ATG2A: variants seen among roughly 807,000 people sequenced by gnomAD.
ATG2A encodes the protein autophagy related 2A.
Under a neutral mutation model 214.2 loss-of-function variants are expected in ATG2A, and 103 were observed. That is an observed-to-expected ratio of 0.48 (90% CI 0.41 to 0.57). ATG2A has a LOEUF of 0.57. Ranked by LOEUF, ATG2A falls within the 20% of genes least tolerant of loss-of-function variation. The probability of loss-of-function intolerance (pLI) is 0.00; values close to 1 mark genes in which losing one functional copy is unlikely to be tolerated. For synonymous variants in ATG2A, 1,160 were observed against 1,142.1 expected (o/e 1.02, Z -0.32); for missense variants, 2,312 against 2,613.2 (o/e 0.88, Z 2.51).
At position 64,896,843 on chromosome 11, in the gene ATG2A, C is replaced by A; in HGVS notation, c.5177G>T (p.Gly1726Val). Residue 1726 changes from glycine (G) to valine (V), a missense_variant, in exon 38 of 41, where the codon GGC (glycine) becomes GTC (valine). Transcript: ENST00000377264. ...HGLLGVDKVL[G>V]YALNEWLQDI... Reference sequence around the variant, plus strand: ...CTGCAGCCACTCGTTGAGGGCATAGCCCAGCACCTTGTCCACACCCAGGAG... The same window carrying A: ...CTGCAGCCACTCGTTGAGGGCATAGACCAGCACCTTGTCCACACCCAGGAG... 6.2e-7 allele frequency: 1 copy of A among 1,614,172 alleles called. No homozygotes were observed. Among genetic ancestry groups the A allele is most frequent in the Non-Finnish European group, 8.5e-7 (1 of 1,180,016 alleles).
In ATG2A at chr11:64,911,136, G is replaced by A. The variant is rs750674523; in HGVS notation, c.1368C>T (p.Phe456=). The A allele has an allele frequency of 1.9e-6, 3 of 1,614,030 alleles. No homozygotes were observed. The African/African-American group carries it at 4.0e-5, about 22-fold the overall frequency. The part of the protein sequence containing the change: ...SGPPDLATHF[F]TEFDATKDGP... ...CATCCTTGGTGGCATCAAACTCGGT[G>A]AAAAAGTGCGTGGCGAGGTCAGGTG... The change falls in exon 10 of 41, where the codon TTC becomes TTT. Residue 456 remains phenylalanine (F), a synonymous_variant. Coordinates refer to ENST00000377264, the MANE Select transcript of ATG2A (RefSeq NM_015104.3).
chr11:64,913,807 C>A lies in ATG2A; in HGVS notation c.590+14G>T. On this transcript the variant is annotated intron_variant, in intron 4 of 40. Coordinates refer to ENST00000377264, the MANE Select transcript of ATG2A (RefSeq NM_015104.3). This position sits in a 1 kb window ranked among gnomAD's most constrained non-coding sequence, Gnocchi z 4.3. ...ATCTTCACACCAGTCCACCCCAGAT[C>A]GGCCTGCCCTTACCTCTGCACACGG... The A allele has an allele frequency of 6.2e-7, 1 of 1,610,694 alleles. No individual in the cohort carries two copies. The highest frequency in any genetic ancestry group is 8.5e-7 in the Non-Finnish European group (1 of 1,179,094).
In ATG2A at chr11:64,898,543, T is replaced by G; in HGVS notation, c.4671+93A>C. 4 of 1,459,244 alleles carry G rather than the reference T, an allele frequency of 2.7e-6. No individual in the cohort carries two copies. In the South Asian group the frequency reaches 3.6e-5, roughly 13 times the overall value. 90.4% of individuals were successfully genotyped at this position (1,459,244 alleles called of 1,614,324 possible). On this transcript the variant is annotated intron_variant, in intron 32 of 40. Transcript: ENST00000377264. This position sits in a 1 kb window ranked among gnomAD's most constrained non-coding sequence, Gnocchi z 4.5. ...AACAACCTGGGTGTTTGTGTGGGAA[T>G]GCGTGTATGTGTGTGAATCCATGCA...
At chr11:64,905,139 C>T (rs1944496555) in intron 24 of ATG2A, among the ~76,000 whole-genome samples, 2 of 152,172 alleles carry the variant, frequency 1.3e-5, no homozygotes, top group Admixed American at 6.5e-5. Flanking sequence ...CAGGTGTGAG[C>T]CACCGCACCC....
chr11:64,913,049 G>T lies in ATG2A; in HGVS notation c.814C>A (p.Pro272Thr). The change falls in exon 6 of 41, where the codon CCT becomes ACT. Residue 272 changes from proline (P) to threonine (T), a missense_variant. Physicochemically the swap from Pro to Thr is conservative, Grantham distance 38 (BLOSUM62 -1). Transcript: ENST00000377264. This position sits in a 1 kb window ranked among gnomAD's most constrained non-coding sequence, Gnocchi z 4.3. The part of the protein sequence containing the change: ...MVKLKQNEAF[P>T]GPKLEVAGQL... ...GCCTGGGGACCCACCTTGGGGCCAG[G>T]GAAGGCCTCATTTTGCTTCAACTTC... 6.4e-7 allele frequency: 1 copy of T among 1,559,364 alleles called. No homozygotes were observed. Among genetic ancestry groups the T allele is most frequent in the East Asian group, 2.3e-5 (1 of 42,964 alleles).
At chr11:64,915,654 T>C (rs1944951846) in intron 1 of ATG2A, among the ~76,000 whole-genome samples, 2 of 150,370 alleles carry the variant, frequency 1.3e-5, no homozygotes, top group Non-Finnish European at 3.0e-5. Flanking sequence ...GGAACAGGAG[T>C]AGGGGCGTTT....
Position 64,896,622 on chromosome 11 carries a change from G to A in ATG2A, c.5273-6C>T. On this transcript the variant is annotated splice_polypyrimidine_tract_variant and splice_region_variant and intron_variant, in intron 38 of 40. Coordinates refer to ENST00000377264, the MANE Select transcript of ATG2A (RefSeq NM_015104.3). ...CAGGTCCCGGAACCCTTGGACTAGG[G>A]GGAAGGAGCGCTCAGAGACACCCGA... 2 of 1,612,558 alleles carry A rather than the reference G, an allele frequency of 1.2e-6. No individual in the cohort carries two copies. The highest frequency in any genetic ancestry group is 1.1e-5 in the South Asian group (1 of 91,064).
At chr11:64,901,927 G>A (rs1220258391) in intron 29 of ATG2A, 35 bp downstream of exon 29, 3 of 1,604,156 alleles carry the variant, frequency 1.9e-6, no homozygotes, top group African/African-American at 1.3e-5. Context: ...ACACCTGCCT[G>A]GACGGCAAAC....
rs545707959 is a variant in ATG2A at position 64,910,848 on chromosome 11, A to T, written c.1573T>A (p.Cys525Ser). ...VHFGQLEVLE[C>S]LWPRGTSEPE... ...TCAGAGGTGCCCCGGGGCCACAGAC[A>T]CTCCAGCACCTCCAGCTGCCCGAAG... Residue 525 changes from cysteine to serine, a missense_variant, in exon 11 of 41, where the codon TGT (cysteine) becomes AGT (serine). Cys to Ser is a moderately radical substitution (Grantham distance 112, BLOSUM62 -1). Transcript: ENST00000377264. 6.2e-7 allele frequency: 1 copy of T among 1,608,868 alleles called. No homozygotes were observed. The highest frequency in any genetic ancestry group is 1.1e-5 in the South Asian group (1 of 90,340).
Position 64,906,515 on chromosome 11 carries a change from G to A in ATG2A, c.3002C>T (p.Pro1001Leu), listed in dbSNP as rs532103823. Residue 1001 changes from proline (P) to leucine (L), a missense_variant, in exon 21 of 41, where the codon CCG (proline) becomes CTG (leucine). By Grantham distance (98) the Pro-to-Leu change is moderately conservative. Transcript: ENST00000377264. ...LYHRAAVDDY[P>L]LPSHLDLPSF... is the part of the protein sequence containing the mutation. Reference sequence around the variant, plus strand: ...GGGAAGGTCCAGGTGACTGGGCAGCGGGTAGTCATCCACGGCCGCTGGGGA... The same window carrying A: ...GGGAAGGTCCAGGTGACTGGGCAGCAGGTAGTCATCCACGGCCGCTGGGGA... 39 of 1,613,118 alleles carry A rather than the reference G, an allele frequency of 2.4e-5. No homozygotes were observed. The highest frequency in any genetic ancestry group is 6.7e-5 in the African/African-American group (5 of 75,036).
intron 19 of ATG2A, 66 bp from the exon 20 acceptor site, chr11:64,906,881 T>A: frequency 6.5e-7 from 1 of 1,543,482 alleles, no homozygotes; most frequent in South Asian, 1.2e-5. Context: ...CCTCTGGGGG[T>A]TGGCGGCTCC....
chr11:64,913,746 C>G lies in ATG2A; in HGVS notation c.590+75G>C, dbSNP rs1171318223. On this transcript the variant is annotated intron_variant, in intron 4 of 40. Transcript: ENST00000377264. The surrounding 1 kb of genome is among the most constrained non-coding windows in gnomAD (Gnocchi z 4.3). ...CCCTGCCTCTTCCCAGGAACCTAGG[C>G]TGCGGGTGGGGACCATCCAGCAGCC... 38 of 1,440,500 alleles carry G rather than the reference C, an allele frequency of 2.6e-5. No individual in the cohort carries two copies. The highest frequency in any genetic ancestry group is 3.5e-5 in the Non-Finnish European group (36 of 1,037,110). 89.2% of individuals were successfully genotyped at this position (1,440,500 alleles called of 1,614,324 possible). A position where few individuals can be genotyped will look rare whatever the true frequency, so the allele number is the denominator to read the frequency against.
chr11:64,917,069 G>A lies in ATG2A; in HGVS notation c.67C>T (p.His23Tyr), dbSNP rs752197879. 6.2e-7 allele frequency: 1 copy of A among 1,613,674 alleles called. No individual in the cohort carries two copies. Among genetic ancestry groups the A allele is most frequent in the East Asian group, 2.2e-5 (1 of 44,878 alleles). Residue 23 changes from histidine (H) to tyrosine (Y), a missense_variant, in exon 1 of 41, where the codon CAC (histidine) becomes TAC (tyrosine). By Grantham distance (83) the His-to-Tyr change is moderately conservative. Coordinates refer to ENST00000377264, the MANE Select transcript of ATG2A (RefSeq NM_015104.3). ...TCTTGGAAGAAGTGACCTAAGTAGT[G>A]GTGCAGCAAGTAGCGGCAGACCCGC... ...KERVCRYLLH[H>Y]YLGHFFQEHL...
In ATG2A at chr11:64,897,917, A is replaced by T; in HGVS notation, c.4916T>A (p.Val1639Glu). 6.4e-7 allele frequency: 1 copy of T among 1,556,948 alleles called. No homozygotes were observed. Among genetic ancestry groups the T allele is most frequent in the Non-Finnish European group, 8.7e-7 (1 of 1,152,254 alleles). ...SSPLEGQAEG[V>E]ETTGSQEAPG... ...GGCCTCCTGCGAACCAGTGGTCTCT[A>T]CGCCTTCGGCCTGCCCTTCCAGGGG... Residue 1639 changes from valine (V) to glutamate (E), a missense_variant, in exon 35 of 41, where the codon GTA (valine) becomes GAA (glutamate). Transcript: ENST00000377264.
chr11:64,903,365 C>A lies in ATG2A; in HGVS notation c.3536-1G>T. 1 of 1,614,106 alleles carries A rather than the reference C, an allele frequency of 6.2e-7. No individual in the cohort carries two copies. Among genetic ancestry groups the A allele is most frequent in the East Asian group, 2.2e-5 (1 of 44,892 alleles). On this transcript the variant is annotated splice_acceptor_variant, in intron 25 of 40. Transcript: ENST00000377264. LOFTEE classifies it high-confidence loss of function. This position sits in a 1 kb window ranked among gnomAD's most constrained non-coding sequence, Gnocchi z 4.2. ...TCAACATCCAAAACACAGACATAAT[C>A]TGCAGCAGAGGCGAGAGAAAGGTCC...
rs1271079987 is a variant in ATG2A at position 64,911,324 on chromosome 11, C to A, written c.1229-49G>T. Reference sequence around the variant, plus strand: ...GGGGCTCCCAACAGATTCCGGGTACCCCAGGTGGAGCAATAGTTTGCCACC... The same window carrying A: ...GGGGCTCCCAACAGATTCCGGGTACACCAGGTGGAGCAATAGTTTGCCACC... On this transcript the variant is annotated intron_variant, in intron 9 of 40. Transcript: ENST00000377264. 31 of 1,580,374 alleles carry A rather than the reference C, an allele frequency of 2.0e-5. No homozygotes were observed. In the East Asian group the frequency reaches 6.9e-4, roughly 35 times the overall value.
chr11:64,913,429 C>T lies in ATG2A; in HGVS notation c.591-28G>A. ...GGAGAGTGTAGGGTCAGCCCGTGCC[C>T]TGGCCACCCCAGGCCTGGAGCCCCT... On this transcript the variant is annotated intron_variant, in intron 4 of 40. Coordinates refer to ENST00000377264, the MANE Select transcript of ATG2A (RefSeq NM_015104.3). This position sits in a 1 kb window ranked among gnomAD's most constrained non-coding sequence, Gnocchi z 4.3. 1 of 1,540,156 alleles carries T rather than the reference C, an allele frequency of 6.5e-7. No homozygotes were observed. Among genetic ancestry groups the T allele is most frequent in the Middle Eastern group, 2.4e-4 (1 of 4,242 alleles).
In ATG2A at chr11:64,917,095, T is replaced by A. The variant is rs746640151; in HGVS notation, c.41A>T (p.Glu14Val). The stretch of plus-strand genomic sequence containing the variant: ...GTGCAGCAAGTAGCGGCAGACCCGC[T>A]CTTTCACACAGTTTGACCATGGCCA... ...WLWPWSNCVK[E>V]RVCRYLLHHY... Residue 14 changes from glutamate to valine, a missense_variant, in exon 1 of 41, where the codon GAG becomes GTG. Coordinates refer to ENST00000377264, the MANE Select transcript of ATG2A (RefSeq NM_015104.3). 13 of 1,613,150 alleles carry A rather than the reference T, an allele frequency of 8.1e-6. No individual in the cohort carries two copies. The East Asian group carries it at 2.9e-4, about 36-fold the overall frequency.
intron 22 of ATG2A, 119 bp from the exon 23 acceptor site, chr11:64,905,967 C>T (rs1033592180): frequency 3.6e-6 from 5 of 1,370,374 alleles, no homozygotes; most frequent in Non-Finnish European, 5.0e-6. Flanking sequence ...CTGTCTGCCA[C>T]ACCCCTTGCC....
Sources: gnomAD v4.1 joint callset for allele counts (sites outside exome capture counted in the v4.1 genomes callset) on GRCh38, gnomAD v4.1.1 for gene constraint, Gnocchi (gnomAD v3.1) non-coding constraint, MANE v1.5 for transcripts, NCBI Gene and HGNC (gene_info 2026-07-23, HGNC 2026-07-21) for gene names.